Variants in RNF169 observed in about 807,000 individuals in gnomAD.
The protein encoded by RNF169 is E3 ubiquitin-protein ligase RNF169.
In RNF169, 24 loss-of-function variants were observed where a neutral mutation model predicts 53.9. The observed-to-expected ratio is 0.45, with a 90% CI of 0.32 to 0.63. RNF169 has a LOEUF of 0.63. Ranked by LOEUF, RNF169 falls within the 20% of genes least tolerant of loss-of-function variation. RNF169 has a pLI of 0.04. For synonymous variants in RNF169, 396 were observed against 363.5 expected, an observed-to-expected ratio of 1.09 and a Z score of -1.02; for missense variants, 883 against 906.2, an observed-to-expected ratio of 0.97 and a Z score of 0.33.
intron 3 of RNF169, among the ~76,000 whole-genome samples, chr11:74,816,052 CTG>C (rs34135922): frequency 0.045 from 6,848 of 152,212 alleles, 228 homozygotes; most frequent in East Asian, 0.15. Flanking sequence ...AAAGGCCTCT[CTG>C]TAAATTGTAA....
Position 74,836,804 on chromosome 11 carries a change from C to G in RNF169, c.*74C>G, listed in dbSNP as rs2036264714. 5 of 1,202,900 alleles carry G rather than the reference C, an allele frequency of 4.2e-6. No homozygotes were observed. Among genetic ancestry groups the G allele is most frequent in the Non-Finnish European group, 4.6e-6 (4 of 866,856 alleles). The allele number at this position is 1,202,900 out of a possible 1,614,324, so 74.5% of individuals were successfully genotyped here. A position where few individuals can be genotyped will look rare whatever the true frequency, so the allele number is the denominator to read the frequency against. On this transcript the variant is annotated 3_prime_UTR_variant, in exon 6 of 6. Coordinates refer to ENST00000299563, the MANE Select transcript of RNF169 (RefSeq NM_001098638.2). ...TTTATCCTGAAGAGCTGAGTGTTCT[C>G]ACTTTGGTTTTATTTTAATGGCAAA...
Position 74,836,784 on chromosome 11 carries a change from C to G in RNF169, c.*54C>G. ...AAGGTCTTAGGCCTTGATCATTTAT[C>G]CTGAAGAGCTGAGTGTTCTCACTTT... is the stretch of plus-strand genomic sequence containing the variant. On this transcript the variant is annotated 3_prime_UTR_variant, in exon 6 of 6. Coordinates refer to ENST00000299563, the MANE Select transcript of RNF169 (RefSeq NM_001098638.2). The G allele has an allele frequency of 7.4e-7, 1 of 1,344,674 alleles. No individual in the cohort carries two copies. Among genetic ancestry groups the G allele is most frequent in the Non-Finnish European group, 1.0e-6 (1 of 978,644 alleles). The allele number at this position is 1,344,674 out of a possible 1,614,324, so 83.3% of individuals were successfully genotyped here. A position where few individuals can be genotyped will look rare whatever the true frequency, so the allele number is the denominator to read the frequency against.
intron 5 of RNF169, 102 bp downstream of exon 5, chr11:74,834,877 T>C: frequency 1.4e-6 from 1 of 711,310 alleles, no homozygotes; most frequent in Non-Finnish European, 2.3e-6. Context: ...AGAAGCAGAA[T>C]GAGCCCAGGC....
intron 1 of RNF169, among the ~76,000 whole-genome samples, chr11:74,756,401 G>A (rs1433119808): frequency 6.6e-6 from 1 of 152,114 alleles, no homozygotes; most frequent in Non-Finnish European, 1.5e-5. Flanking sequence ...GTATGTTATT[G>A]GATACTCTCT....
chr11:74,791,556 G>A lies in RNF169; in HGVS notation c.576+1857G>A, dbSNP rs539527087. 2.6e-5 allele frequency among the ~76,000 whole-genome samples: 4 copies of A among 152,352 alleles called. No individual in the cohort carries two copies. The East Asian group carries it at 5.8e-4, about 22-fold the overall frequency. ...GGGTGCCCAAAGTCTGGAGGGGGCC[G>A]AGGTGGCAGGGCGCTGCCATGTCAG... is the stretch of plus-strand genomic sequence containing the variant. On this transcript the variant is annotated intron_variant, in intron 2 of 5. Coordinates refer to ENST00000299563, the MANE Select transcript of RNF169 (RefSeq NM_001098638.2).
chr11:74,749,246 C>T lies in RNF169; in HGVS notation c.366C>T (p.Gly122=). ...CCCGCCGTCGGGCCCGCGACGACGG[C>T]CAGGCCGACTCAGAGGTGCTGGGCG... The part of the protein sequence containing the change: ...GWARRRARDD[G]QADSEVLGEC... The change falls in exon 1 of 6, where the codon GGC becomes GGT. Residue 122 remains glycine (G), a synonymous_variant. Coordinates refer to ENST00000299563, the MANE Select transcript of RNF169 (RefSeq NM_001098638.2). 9.2e-7 allele frequency: 1 copy of T among 1,091,302 alleles called. No homozygotes were observed. The highest frequency in any genetic ancestry group is 1.1e-6 in the Non-Finnish European group (1 of 899,954). The allele number at this position is 1,091,302 out of a possible 1,614,324, so 67.6% of individuals were successfully genotyped here.
rs1309615806 is a variant in RNF169, at chr11:74,793,735, A to AT, written c.576+4037dup. Among the ~76,000 whole-genome samples the AT allele has an allele frequency of 2.0e-5, 3 of 152,102 alleles. No homozygotes were observed. The East Asian group carries it at 5.8e-4, about 29-fold the overall frequency. ...ATTTTATCATTCTGTGAATAAGCTT[A>AT]TATTTCTAAATATATTTAGATTTTT... On this transcript the variant is annotated intron_variant, in intron 2 of 5. Transcript: ENST00000299563.
At chr11:74,783,943 A>T (rs2035452532) in intron 1 of RNF169, among the ~76,000 whole-genome samples, 1 of 152,200 alleles carries the variant, frequency 6.6e-6, no homozygotes. Flanking sequence ...GAATGCATAC[A>T]TGTTCTCCAT....
At chr11:74,825,369 C>G (rs2036079540) in intron 4 of RNF169, among the ~76,000 whole-genome samples, 1 of 152,104 alleles carries the variant, frequency 6.6e-6, no homozygotes, top group African/African-American at 2.4e-5. Context: ...AAGAAGAAGT[C>G]ACAAGAGAAA....
chr11:74,796,505 T>G (rs1445196330), intron 2 of RNF169, among the ~76,000 whole-genome samples: 1 of 152,244 alleles, frequency 6.6e-6, no homozygotes, highest in East Asian at 1.9e-4. Context: ...TATTTATTGG[T>G]TGAATTAAGC....
chr11:74,828,241 A>G (rs1309518226), intron 4 of RNF169, among the ~76,000 whole-genome samples: 2 of 152,202 alleles, frequency 1.3e-5, no homozygotes, highest in Non-Finnish European at 2.9e-5. Flanking sequence ...CAATTGACAA[A>G]AAAAGAATAA....
chr11:74,753,578 A>G (rs2034935105), intron 1 of RNF169, among the ~76,000 whole-genome samples: 1 of 152,232 alleles, frequency 6.6e-6, no homozygotes, highest in Admixed American at 6.5e-5. Flanking sequence ...GTACCAGCCT[A>G]ATAGCAATTT....
chr11:74,748,896 C>A lies in RNF169; in HGVS notation c.16C>A (p.Pro6Thr). Residue 6 changes from proline to threonine, a missense_variant, in exon 1 of 6, where the codon CCG (proline) becomes ACG (threonine). Physicochemically the swap from Pro to Thr is conservative, Grantham distance 38. Around this residue, in one of 3 missense-constraint regions of RNF169, gnomAD observed 313 missense variants for 279.9 expected, o/e 1.12. Transcript: ENST00000299563. MAAAG[P>T]STRASSAAAA... ...GGGAAACAAGATGGCGGCTGCAGGTCCGAGTACTCGGGCCTCTTCCGCGGC... is the reference window on the plus strand; with the variant it reads ...GGGAAACAAGATGGCGGCTGCAGGTACGAGTACTCGGGCCTCTTCCGCGGC... 7.0e-7 allele frequency: 1 copy of A among 1,435,914 alleles called. No individual in the cohort carries two copies. The highest frequency in any genetic ancestry group is 1.4e-5 in the South Asian group (1 of 70,764). 88.9% of individuals were successfully genotyped at this position (1,435,914 alleles called of 1,614,324 possible).
intron 1 of RNF169, among the ~76,000 whole-genome samples, chr11:74,779,613 T>TTTTTA (rs1197494501): frequency 6.6e-6 from 1 of 152,158 alleles, no homozygotes; most frequent in Non-Finnish European, 1.5e-5. Flanking sequence ...TTTGGTTTTA[T>TTTTTA]TTTTATTTTA....
At chr11:74,818,574 T>G (rs1425734137) in intron 4 of RNF169, among the ~76,000 whole-genome samples, 1 of 152,200 alleles carries the variant, frequency 6.6e-6, no homozygotes, top group East Asian at 1.9e-4. Flanking sequence ...AAACGTTTTT[T>G]GTAGAGACGA....
intron 1 of RNF169, among the ~76,000 whole-genome samples, chr11:74,783,757 G>C (rs572318333): frequency 6.6e-6 from 1 of 152,106 alleles, no homozygotes; most frequent in East Asian, 1.9e-4. Flanking sequence ...TCCTCTTTTC[G>C]GGTGGAGGAA....
intron 1 of RNF169, among the ~76,000 whole-genome samples, chr11:74,754,309 A>C (rs1198567229): frequency 8.5e-5 from 13 of 152,230 alleles, no homozygotes; most frequent in Non-Finnish European, 1.8e-4. Context: ...AAAATGATTA[A>C]TGAATTTTAA....
At chr11:74,789,735 A>G in intron 2 of RNF169, 36 bp downstream of exon 2, 1 of 1,338,560 alleles carries the variant, frequency 7.5e-7, no homozygotes, top group Non-Finnish European at 1.1e-6. Flanking sequence ...TTCTTAAAGT[A>G]GATTGAAATA....
At chr11:74,762,384 C>G (rs977414930) in intron 1 of RNF169, among the ~76,000 whole-genome samples, 57 of 152,202 alleles carry the variant, frequency 3.7e-4, no homozygotes, top group African/African-American at 1.3e-3. Context: ...GGCGCTCTGC[C>G]TTTTAGAGTT....
Sources: allele counts gnomAD v4.1 joint callset (sites outside exome capture counted in the v4.1 genomes callset), GRCh38; gene constraint gnomAD v4.1.1; regional missense constraint gnomAD v4.1.1; transcripts MANE v1.5; gene names NCBI Gene and HGNC (gene_info 2026-07-23, HGNC 2026-07-21).